The following PTPRD variants were observed in gnomAD, a reference collection of about 807,000 sequenced individuals.
The protein encoded by PTPRD is protein tyrosine phosphatase receptor type D.
Under a neutral mutation model 214.5 loss-of-function variants are expected in PTPRD, and 34 were observed. That is an observed-to-expected ratio of 0.16 (90% confidence interval 0.12 to 0.21). The LOEUF is 0.21. PTPRD is among the 10% of genes least tolerant of loss of function. The probability of loss-of-function intolerance (pLI) is 1.00; values close to 1 mark genes in which losing one functional copy is unlikely to be tolerated. For missense variants in PTPRD, 2,545 were observed against 2,398.7 expected, an observed-to-expected ratio of 1.06 and a Z score of -1.27; for synonymous variants, 1,128 against 845.7, an observed-to-expected ratio of 1.33 and a Z score of -5.79.
rs373951192 is a variant in PTPRD at position 9,857,171 on chromosome 9, C to G, written c.-368+81336G>C. 2.4e-3 allele frequency among the ~76,000 whole-genome samples: 360 copies of G among 152,278 alleles called. 8 individuals are homozygous for G. In the South Asian group the frequency reaches 0.072, roughly 30 times the overall value. On this transcript the variant is annotated intron_variant, in intron 5 of 45. Coordinates refer to ENST00000381196, the MANE Select transcript of PTPRD (RefSeq NM_002839.4). ...GTTGTTACTATGATTGTTTATGTCACAATTTCAAATGCTTTGCCCTCAATG... is the reference window on the plus strand; with the variant it reads ...GTTGTTACTATGATTGTTTATGTCAGAATTTCAAATGCTTTGCCCTCAATG...
chr9:8,386,873 G>A (rs2087276643), intron 37 of PTPRD, among the ~76,000 whole-genome samples: 1 of 152,220 alleles, frequency 6.6e-6, no homozygotes, highest in Admixed American at 6.5e-5. Flanking sequence ...GAAGACGGAA[G>A]AGCAGATGAA....
intron 3 of PTPRD, among the ~76,000 whole-genome samples, chr9:10,145,338 G>A (rs9695281): frequency 0.032 from 4,856 of 151,950 alleles, 251 homozygotes; most frequent in African/African-American, 0.11. Flanking sequence ...TTCTGCCTCC[G>A]CCACCCCTGA....
At chr9:9,595,283 ATATAT>A (rs1325678786) in intron 7 of PTPRD, among the ~76,000 whole-genome samples, 1 of 2,950 alleles carries the variant, frequency 3.4e-4, no homozygotes, top group Non-Finnish European at 7.5e-4. Context: ...AGGATTATAT[ATATAT>A]TATATATATA....
chr9:9,605,788 A>G (rs2094115044), intron 7 of PTPRD, among the ~76,000 whole-genome samples: 1 of 152,054 alleles, frequency 6.6e-6, no homozygotes, highest in Non-Finnish European at 1.5e-5. Context: ...ATTGAGATTA[A>G]TGCTTCTGGT....
intron 39 of PTPRD, among the ~76,000 whole-genome samples, chr9:8,347,924 G>A (rs1274374488): frequency 6.6e-6 from 1 of 152,136 alleles, no homozygotes; most frequent in Non-Finnish European, 1.5e-5. Flanking sequence ...AGTTTCTGTT[G>A]TTTGAGCCAC....
rs1466073135 is a variant in PTPRD, at chr9:8,521,416, T to A, written c.822A>T (p.Glu274Asp). 6.2e-7 allele frequency: 1 copy of A among 1,614,046 alleles called. No individual in the cohort carries two copies. Among genetic ancestry groups the A allele is most frequent in the Non-Finnish European group, 8.5e-7 (1 of 1,179,928 alleles). ...MPYVKWMLGA[E>D]DLTPEDDMPI... ...GCATATCATCTTCAGGTGTCAGATC[T>A]TCTGCCCCCAACATCCACTTTACAT... The change falls in exon 20 of 46, where the codon GAA (glutamate) becomes GAT (aspartate). Residue 274 changes from glutamate (E) to aspartate (D), a missense_variant. By Grantham distance (45) the Glu-to-Asp change is conservative (BLOSUM62 2). Transcript: ENST00000381196.
chr9:8,337,470 A>C (rs1029706703), intron 43 of PTPRD, among the ~76,000 whole-genome samples: 7 of 151,946 alleles, frequency 4.6e-5, no homozygotes, highest in African/African-American at 1.7e-4. Flanking sequence ...GTCTAGGGGA[A>C]CGATAGCATT....
intron 11 of PTPRD, among the ~76,000 whole-genome samples, chr9:8,849,201 A>C (rs1232158765): frequency 9.3e-6 from 1 of 107,258 alleles, no homozygotes; most frequent in Non-Finnish European, 1.8e-5. Context: ...TTTGAGACGG[A>C]GTCTCGCTTT....
chr9:8,862,967 G>C lies in PTPRD; in HGVS notation c.-103-129021C>G, dbSNP rs537798559. On this transcript the variant is annotated intron_variant, in intron 11 of 45. Transcript: ENST00000381196. ...GCATCGGGAGATATACCTAATGCTA[G>C]ATGACGCGTTAGTGGGTGCAGCGCA... is the stretch of plus-strand genomic sequence containing the variant. 7.2e-5 allele frequency among the ~76,000 whole-genome samples: 11 copies of C among 152,306 alleles called. No individual in the cohort carries two copies. In the South Asian group the frequency reaches 2.3e-3, roughly 32 times the overall value.
intron 3 of PTPRD, among the ~76,000 whole-genome samples, chr9:10,064,742 A>G (rs1440245306): frequency 6.6e-6 from 1 of 152,002 alleles, no homozygotes; most frequent in Non-Finnish European, 1.5e-5. Flanking sequence ...TTTACACCCT[A>G]AACCTCAGCA....
At chr9:10,500,411 T>G (rs2043298794) in intron 2 of PTPRD, among the ~76,000 whole-genome samples, 1 of 151,942 alleles carries the variant, frequency 6.6e-6, no homozygotes, top group Admixed American at 6.6e-5. Flanking sequence ...CTTTTGTTAA[T>G]TTTTAATTTT....
At chr9:9,243,050 C>T (rs569025866) in intron 9 of PTPRD, among the ~76,000 whole-genome samples, 7 of 152,052 alleles carry the variant, frequency 4.6e-5, no homozygotes, top group Admixed American at 1.3e-4. Flanking sequence ...TGTTAGTTTT[C>T]CTTTTAACAG....
chr9:8,886,180 T>A (rs1254275608), intron 11 of PTPRD, among the ~76,000 whole-genome samples: 1 of 152,158 alleles, frequency 6.6e-6, no homozygotes, highest in Non-Finnish European at 1.5e-5. Flanking sequence ...TATTGATATT[T>A]GGGGACATCT....
chr9:10,584,712 A>G (rs1040987943), intron 2 of PTPRD, among the ~76,000 whole-genome samples: 5 of 152,208 alleles, frequency 3.3e-5, no homozygotes, highest in Non-Finnish European at 7.4e-5. Context: ...AGTCGCTGAG[A>G]CAAAAAGCCA....
chr9:10,574,848 C>G (rs960887291), intron 2 of PTPRD, among the ~76,000 whole-genome samples: 1 of 147,526 alleles, frequency 6.8e-6, no homozygotes, highest in Non-Finnish European at 1.5e-5. Flanking sequence ...GATTCTCTTT[C>G]TTCCCCCCAT....
chr9:10,060,776 T>TTTTCTTTCTTTCTTTCTTTCTTTC (rs759874831), intron 3 of PTPRD, among the ~76,000 whole-genome samples: 22 of 132,142 alleles, frequency 1.7e-4, no homozygotes, highest in African/African-American at 8.1e-4. Flanking sequence ...CAGGTCTTGC[T>TTTTCTTTCTTTCTTTCTTTCTTTC]TTTCTTTCTT....
intron 5 of PTPRD, among the ~76,000 whole-genome samples, chr9:9,876,441 G>A (rs948259641): frequency 2.0e-5 from 3 of 151,992 alleles, no homozygotes; most frequent in Non-Finnish European, 4.4e-5. Flanking sequence ...AGCTGTGAAT[G>A]TCTCTTCAGG....
chr9:8,524,825 C>G (rs745825221), intron 18 of PTPRD, 100 bp downstream of exon 18: 2 of 977,606 alleles, frequency 2.0e-6, no homozygotes, highest in East Asian at 2.4e-5. Flanking sequence ...TATTACCAAA[C>G]CAGCTTGTTA....
chr9:9,912,612 G>A (rs1357240919), intron 5 of PTPRD, among the ~76,000 whole-genome samples: 2 of 152,182 alleles, frequency 1.3e-5, no homozygotes, highest in African/African-American at 4.8e-5. Flanking sequence ...GGCAATCAGT[G>A]CTGAAGCCTG....
Sources: gnomAD v4.1 joint callset for allele counts (sites outside exome capture counted in the v4.1 genomes callset) on GRCh38, gnomAD v4.1.1 for gene constraint, MANE v1.5 for transcripts, NCBI Gene and HGNC (gene_info 2026-07-23, HGNC 2026-07-21) for gene names.